DGKB: variants seen among roughly 807,000 people sequenced by gnomAD.
DGKB encodes the protein diacylglycerol kinase beta.
Under a neutral mutation model 114.3 loss-of-function variants are expected in DGKB, and 67 were observed. That is an observed-to-expected ratio of 0.59 (90% CI 0.48 to 0.72). The LOEUF (loss-of-function observed/expected upper bound fraction) is 0.72, where lower values mean the gene tolerates loss of function less well. DGKB is among the 30% of genes least tolerant of loss of function. DGKB has a pLI of 0.00. For missense variants in DGKB, 907 were observed against 975.2 expected, an observed-to-expected ratio of 0.93 and a Z score of 0.93; for synonymous variants, 398 against 323.1, an observed-to-expected ratio of 1.23 and a Z score of -2.49.
chr7:14,814,312 C>T (rs987787557), intron 2 of DGKB, among the ~76,000 whole-genome samples: 1 of 152,084 alleles, frequency 6.6e-6, no homozygotes, highest in Non-Finnish European at 1.5e-5. Flanking sequence ...AGAGTGAGGT[C>T]AAACCAGTAC....
At chr7:14,343,984 ATAT>A (rs1460996671) in intron 22 of DGKB, among the ~76,000 whole-genome samples, 2 of 147,762 alleles carry the variant, frequency 1.4e-5, no homozygotes, top group African/African-American at 2.5e-5. Context: ...CAGATGTCAT[ATAT>A]TATTATATAC....
At chr7:14,845,654 A>G (rs1358667225) in intron 1 of DGKB, among the ~76,000 whole-genome samples, 2 of 56,024 alleles carry the variant, frequency 3.6e-5, no homozygotes, top group African/African-American at 1.5e-4. Context: ...TTCTTGAATG[A>G]ATTCACTTAT....
chr7:14,841,144 T>A, intron 2 of DGKB, 50 bp downstream of exon 2: 2 of 1,455,874 alleles, frequency 1.4e-6, no homozygotes, highest in Non-Finnish European at 1.9e-6. Flanking sequence ...AATGATACTT[T>A]GTCTAGCACA....
At chr7:14,162,037 C>T (rs1783980485) in intron 25 of DGKB, among the ~76,000 whole-genome samples, 2 of 152,256 alleles carry the variant, frequency 1.3e-5, no homozygotes, top group African/African-American at 4.8e-5. Flanking sequence ...GATAAGCAGG[C>T]TCACTCTTTA....
At chr7:14,152,572 T>C (rs541982155) in intron 25 of DGKB, among the ~76,000 whole-genome samples, 1 of 152,152 alleles carries the variant, frequency 6.6e-6, no homozygotes, top group African/African-American at 2.4e-5. Context: ...CAGAGAAAGG[T>C]TCTTCCACTG....
At chr7:14,397,339 CAT>C (rs1325987527) in intron 21 of DGKB, among the ~76,000 whole-genome samples, 3 of 152,118 alleles carry the variant, frequency 2.0e-5, no homozygotes, top group South Asian at 2.1e-4. Context: ...CTACTGTTAA[CAT>C]GTGGACTATT....
intron 23 of DGKB, among the ~76,000 whole-genome samples, chr7:14,295,545 A>G (rs1562864740): frequency 1.3e-5 from 2 of 151,940 alleles, no homozygotes; most frequent in African/African-American, 4.8e-5. Flanking sequence ...GCTTGGAGCT[A>G]TGGATCCTGG....
Position 14,776,748 on chromosome 7 carries a change from C to A in DGKB, c.71-19017G>T, listed in dbSNP as rs576963295. ...CCCTCATGGAGAACCTCTGCTAGGG[C>A]AGTGGAGAAGGGAAAAGTGGGGTTA... On this transcript the variant is annotated intron_variant, in intron 2 of 25. Coordinates refer to ENST00000402815, the MANE Select transcript of DGKB (RefSeq NM_001350709.2). Among the ~76,000 whole-genome samples, 43 of 152,298 alleles carry A rather than the reference C, an allele frequency of 2.8e-4. 1 individual carries two copies. Among genetic ancestry groups the A allele is most frequent in the African/African-American group, 1.0e-3 (42 of 41,570 alleles).
chr7:14,374,574 T>C (rs1249756425), intron 21 of DGKB, among the ~76,000 whole-genome samples: 1 of 152,182 alleles, frequency 6.6e-6, no homozygotes, highest in Non-Finnish European at 1.5e-5. Flanking sequence ...GAGACTTCAT[T>C]TGAATTTAGG....
chr7:14,395,023 G>A (rs1001413833), intron 21 of DGKB, among the ~76,000 whole-genome samples: 2 of 151,950 alleles, frequency 1.3e-5, no homozygotes, highest in Non-Finnish European at 2.9e-5. Flanking sequence ...TAACAACAAG[G>A]AAACTTTTGC....
intron 20 of DGKB, among the ~76,000 whole-genome samples, chr7:14,569,605 C>T (rs1169835036): frequency 1.3e-5 from 2 of 152,102 alleles, no homozygotes; most frequent in Admixed American, 6.5e-5. Context: ...CTCATTGGTT[C>T]ATTCATCTAT....
intron 20 of DGKB, among the ~76,000 whole-genome samples, chr7:14,519,806 A>G (rs1475416359): frequency 1.3e-5 from 2 of 151,974 alleles, no homozygotes; most frequent in Non-Finnish European, 2.9e-5. Context: ...ATTATTAATA[A>G]TGTTGATCAC....
intron 13 of DGKB, among the ~76,000 whole-genome samples, chr7:14,653,623 T>C (rs1256775825): frequency 1.3e-5 from 2 of 150,756 alleles, no homozygotes; most frequent in Admixed American, 6.6e-5. Context: ...ACCTGCACAA[T>C]GTGCACATGT....
intron 23 of DGKB, among the ~76,000 whole-genome samples, chr7:14,182,663 G>T (rs939572399): frequency 6.6e-6 from 1 of 152,072 alleles, no homozygotes; most frequent in African/African-American, 2.4e-5. Flanking sequence ...GGTAATCAGG[G>T]ATATGAATGT....
chr7:14,302,615 T>C (rs981884988), intron 23 of DGKB, among the ~76,000 whole-genome samples: 6 of 152,124 alleles, frequency 3.9e-5, no homozygotes, highest in Non-Finnish European at 8.8e-5. Context: ...TTGAACTTTC[T>C]TCTCTTCCTG....
intron 20 of DGKB, among the ~76,000 whole-genome samples, chr7:14,547,527 G>A (rs1423157648): frequency 6.6e-6 from 1 of 152,088 alleles, no homozygotes; most frequent in Non-Finnish European, 1.5e-5. Flanking sequence ...ATATGGTTTT[G>A]TAAGTTAATT....
chr7:14,780,040 G>A (rs1208747672), intron 2 of DGKB, among the ~76,000 whole-genome samples: 1 of 152,118 alleles, frequency 6.6e-6, no homozygotes, highest in Admixed American at 6.5e-5. Flanking sequence ...CAGTTAAGAT[G>A]TAGAAATGGG....
intron 10 of DGKB, 32 bp from the exon 11 acceptor site, chr7:14,682,873 T>A (rs1293651220): frequency 6.9e-7 from 1 of 1,454,388 alleles, no homozygotes; most frequent in African/African-American, 1.4e-5. Flanking sequence ...AATTCAGAGC[T>A]AATCCTGGTC....
At chr7:14,772,804 A>C (rs948478923) in intron 2 of DGKB, among the ~76,000 whole-genome samples, 1 of 152,076 alleles carries the variant, frequency 6.6e-6, no homozygotes, top group African/African-American at 2.4e-5. Flanking sequence ...GAAATCATCC[A>C]TTGTTTTCTT....
Sources: allele counts gnomAD v4.1 joint callset (sites outside exome capture counted in the v4.1 genomes callset), GRCh38; gene constraint gnomAD v4.1.1; transcripts MANE v1.5; gene names NCBI Gene and HGNC (gene_info 2026-07-23, HGNC 2026-07-21).